The following ERG variants were observed in gnomAD, a reference collection of about 807,000 sequenced individuals.
ERG encodes ETS transcription factor ERG.
ERG carries 9 observed loss-of-function variants against 55.3 expected under a neutral mutation model. The observed-to-expected ratio is 0.16, with a 90% CI of 0.10 to 0.28. The LOEUF (loss-of-function observed/expected upper bound fraction) is 0.28, where lower values mean the gene tolerates loss of function less well. ERG is among the 10% of genes least tolerant of loss of function. ERG has a pLI of 1.00. For missense variants in ERG, 434 were observed against 631.6 expected, an observed-to-expected ratio of 0.69 and a Z score of 3.35; for synonymous variants, 223 against 237.3, an observed-to-expected ratio of 0.94 and a Z score of 0.55.
intron 1 of ERG, among the ~76,000 whole-genome samples, chr21:38,598,394 A>G (rs2146906583): frequency 6.6e-6 from 1 of 152,324 alleles, no homozygotes; most frequent in South Asian, 2.1e-4. Flanking sequence ...GCTAGCAGTG[A>G]CCATCCACCT....
intron 2 of ERG, among the ~76,000 whole-genome samples, chr21:38,570,520 C>T (rs1044575500): frequency 6.6e-6 from 1 of 152,136 alleles, no homozygotes. Flanking sequence ...AAGATGGGTA[C>T]GCCACCCTCA....
chr21:38,440,558 C>T (rs2298335), intron 2 of ERG, among the ~76,000 whole-genome samples: 40,298 of 151,944 alleles, frequency 0.27, 5,595 homozygotes, highest in East Asian at 0.37. Flanking sequence ...TGGTGGCTCA[C>T]GCTTGTAATC....
chr21:38,406,551 A>AC (rs1282266606), intron 3 of ERG, among the ~76,000 whole-genome samples: 4 of 151,950 alleles, frequency 2.6e-5, no homozygotes, highest in South Asian at 4.2e-4. Flanking sequence ...CAGAGAGAAG[A>AC]CCCCCCATCC....
intron 3 of ERG, among the ~76,000 whole-genome samples, chr21:38,405,576 C>T (rs1448225376): frequency 1.3e-5 from 2 of 152,112 alleles, no homozygotes; most frequent in East Asian, 3.9e-4. Context: ...TAATGAGCAG[C>T]CAAGGTTCAG....
At position 38,461,694 on chromosome 21, in the gene ERG, G is replaced by T. The variant is rs78249637; in HGVS notation, c.19-16073C>A. On this transcript the variant is annotated intron_variant, in intron 1 of 9. Transcript: ENST00000288319. Reference sequence around the variant, plus strand: ...GCCTCCAATTAGCCCAGACATTAAAGAGATTGCAAAAAATGCAAAACAATG... The same window carrying T: ...GCCTCCAATTAGCCCAGACATTAAATAGATTGCAAAAAATGCAAAACAATG... 9.2e-5 allele frequency among the ~76,000 whole-genome samples: 14 copies of T among 152,318 alleles called. No individual in the cohort carries two copies. The East Asian group carries it at 2.7e-3, about 29-fold the overall frequency.
At chr21:38,635,915 T>G (rs1268169997) in intron 1 of ERG, among the ~76,000 whole-genome samples, 1 of 152,200 alleles carries the variant, frequency 6.6e-6, no homozygotes, top group Non-Finnish European at 1.5e-5. Flanking sequence ...GAGGTGATTC[T>G]TCTAGGTCTC....
chr21:38,611,391 G>T (rs1258747305), intron 1 of ERG, among the ~76,000 whole-genome samples: 1 of 152,060 alleles, frequency 6.6e-6, no homozygotes, highest in Non-Finnish European at 1.5e-5. Flanking sequence ...TAGGGAACCT[G>T]GCAGCACCCC....
rs1987406598 is a variant in ERG, at chr21:38,380,995, GTATT to G, written c.*2404_*2407del. The G allele has an allele frequency of 1.9e-6, 2 of 1,064,544 alleles. No homozygotes were observed. The highest frequency in any genetic ancestry group is 5.0e-5 in the East Asian group (1 of 19,972). The allele number at this position is 1,064,544 out of a possible 1,614,324, so 65.9% of individuals were successfully genotyped here. ...AGCCTAACTGCCAGCTTTCATGATT[GTATT>G]TATTTATTTTCCCTAAGGAGATACG... On this transcript the variant is annotated 3_prime_UTR_variant, in exon 10 of 10. Coordinates refer to ENST00000288319, the MANE Select transcript of ERG (RefSeq NM_182918.4).
At chr21:38,465,896 G>A (rs921077046) in intron 1 of ERG, among the ~76,000 whole-genome samples, 21 of 152,118 alleles carry the variant, frequency 1.4e-4, no homozygotes, top group African/African-American at 4.8e-4. Flanking sequence ...ATAAGGAGAT[G>A]AGATGGCCCT....
chr21:38,591,633 A>G (rs147391374), intron 1 of ERG, among the ~76,000 whole-genome samples: 3,403 of 152,328 alleles, frequency 0.022, 77 homozygotes, highest in East Asian at 0.093. Flanking sequence ...CAGAGGTTGC[A>G]GCAAGCTGAG....
intron 1 of ERG, among the ~76,000 whole-genome samples, chr21:38,485,837 C>G (rs1393024958): frequency 6.6e-6 from 1 of 151,964 alleles, no homozygotes; most frequent in East Asian, 1.9e-4. Flanking sequence ...CACTGATTCA[C>G]CCAGATCCAC....
chr21:38,624,832 TAA>T (rs1047860027), intron 1 of ERG, among the ~76,000 whole-genome samples: 1 of 152,206 alleles, frequency 6.6e-6, no homozygotes, highest in South Asian at 2.1e-4. Flanking sequence ...CACAATGTAT[TAA>T]AGTTTTCTGT....
At chr21:38,561,306 T>A (rs1179937378) in intron 2 of ERG, among the ~76,000 whole-genome samples, 1 of 152,196 alleles carries the variant, frequency 6.6e-6, no homozygotes. Context: ...ATTGCCAACA[T>A]TGTCTATTTT....
intron 1 of ERG, among the ~76,000 whole-genome samples, chr21:38,610,526 C>CGT (rs148197703): frequency 0.042 from 6,274 of 150,480 alleles, 173 homozygotes; most frequent in East Asian, 0.08. Flanking sequence ...CGCGCACGCG[C>CGT]GTGTGTGTGT....
intron 3 of ERG, among the ~76,000 whole-genome samples, chr21:38,406,472 A>C (rs1259287152): frequency 6.6e-6 from 1 of 152,140 alleles, no homozygotes; most frequent in African/African-American, 2.4e-5. Context: ...AAAATGGATC[A>C]TACTGAGGTC....
intron 3 of ERG, among the ~76,000 whole-genome samples, chr21:38,419,120 C>A (rs1989424568): frequency 6.6e-6 from 1 of 152,086 alleles, no homozygotes; most frequent in Non-Finnish European, 1.5e-5. Flanking sequence ...CTGCCCTGCC[C>A]TATGAGAGAT....
At chr21:38,523,077 G>A (rs1383776511) in intron 2 of ERG, among the ~76,000 whole-genome samples, 1 of 152,214 alleles carries the variant, frequency 6.6e-6, no homozygotes, top group Non-Finnish European at 1.5e-5. Context: ...GTGTCTGGGT[G>A]AGGCCAGTTT....
intron 1 of ERG, among the ~76,000 whole-genome samples, chr21:38,467,104 G>T (rs140605118): frequency 1.3e-5 from 2 of 152,188 alleles, no homozygotes; most frequent in Non-Finnish European, 2.9e-5. Context: ...TCAAGTCATG[G>T]GTTAAAGACT....
intron 3 of ERG, among the ~76,000 whole-genome samples, chr21:38,406,210 CTCTGGTTTTGCTACAGA>C (rs944223032): frequency 6.9e-6 from 1 of 144,838 alleles, no homozygotes; most frequent in Non-Finnish European, 1.5e-5. Context: ...CTAAAGGGAA[CTCTGGTTTTGCTACAGA>C]GAGAATATCA....
Sources: allele counts gnomAD v4.1 joint callset (sites outside exome capture counted in the v4.1 genomes callset), GRCh38; gene constraint gnomAD v4.1.1; transcripts MANE v1.5; gene names NCBI Gene and HGNC (gene_info 2026-07-23, HGNC 2026-07-21).